Variants in GRAMD1B observed in about 807,000 individuals in gnomAD.
GRAMD1B encodes the protein GRAM domain containing 1B.
A neutral mutation model predicts 99.7 loss-of-function variants in GRAMD1B; 37 were observed. That is an observed-to-expected ratio of 0.37 (90% confidence interval 0.29 to 0.49). The LOEUF (loss-of-function observed/expected upper bound fraction) is 0.49, where lower values mean the gene tolerates loss of function less well. Ranked by LOEUF, GRAMD1B falls within the 20% of genes least tolerant of loss-of-function variation. The pLI, the probability that GRAMD1B is intolerant of heterozygous loss-of-function variation, is 0.98. For synonymous variants in GRAMD1B, 427 were observed against 387.6 expected (o/e 1.10, Z -1.19); for missense variants, 888 against 1,009.2 (o/e 0.88, Z 1.63).
intron 1 of GRAMD1B, among the ~76,000 whole-genome samples, chr11:123,360,069 C>T (rs1442569988): frequency 6.6e-6 from 1 of 152,170 alleles, no homozygotes; most frequent in Non-Finnish European, 1.5e-5. Flanking sequence ...CCCAAGGTCC[C>T]ACTATACTCC....
intron 1 of GRAMD1B, among the ~76,000 whole-genome samples, chr11:123,413,062 G>A (rs531271962): frequency 4.6e-5 from 7 of 152,242 alleles, no homozygotes; most frequent in African/African-American, 9.6e-5. Flanking sequence ...GATTACAGGC[G>A]TGAGCCACCG....
At chr11:123,389,701 C>T (rs193186665) in intron 1 of GRAMD1B, among the ~76,000 whole-genome samples, 7 of 151,854 alleles carry the variant, frequency 4.6e-5, no homozygotes, top group South Asian at 4.2e-4. Context: ...TAGAAGAAAC[C>T]GGGTGTGGAG....
intron 1 of GRAMD1B, among the ~76,000 whole-genome samples, chr11:123,392,821 A>G (rs1947327570): frequency 6.6e-6 from 1 of 152,226 alleles, no homozygotes; most frequent in Non-Finnish European, 1.5e-5. Context: ...AAATTTTCAG[A>G]ACTTCACAGG....
Position 123,417,988 on chromosome 11 carries a change from C to T in GRAMD1B, c.-176+59189C>T, listed in dbSNP as rs554019492. 1.1e-4 allele frequency among the ~76,000 whole-genome samples: 16 copies of T among 152,186 alleles called. No homozygotes were observed. The South Asian group carries it at 3.3e-3, about 32-fold the overall frequency. On this transcript the variant is annotated intron_variant, in intron 1 of 20. Coordinates refer to the GRAMD1B transcript ENST00000638157. ...CTATGTTGCCCAGGCTGGTCTCAAA[C>T]TCCTGTCCTCAAGCAGCCCTCCCAC...
intron 2 of GRAMD1B, among the ~76,000 whole-genome samples, chr11:123,558,838 C>T (rs1661696580): frequency 6.6e-6 from 1 of 152,204 alleles, no homozygotes; most frequent in African/African-American, 2.4e-5. Context: ...TATCAACGGG[C>T]TGCAGACAGA....
intron 1 of GRAMD1B, among the ~76,000 whole-genome samples, chr11:123,443,866 C>G (rs1949521376): frequency 6.6e-6 from 1 of 152,226 alleles, no homozygotes; most frequent in Admixed American, 6.5e-5. Flanking sequence ...CAGGCGTGAG[C>G]CACTGCACCT....
chr11:123,608,315 G>A (rs1953025175), intron 11 of GRAMD1B: 1 of 610,442 alleles, frequency 1.6e-6, no homozygotes. Context: ...TTTGGGTTTA[G>A]GCAACTTCCA....
chr11:123,430,690 T>C lies in GRAMD1B; in HGVS notation c.-103T>C, dbSNP rs531008556. The C allele has an allele frequency of 1.0e-5, 6 of 573,730 alleles. No individual in the cohort carries two copies. The highest frequency in any genetic ancestry group is 3.2e-5 in the Admixed American group (1 of 31,204). The allele number at this position is 573,730 out of a possible 1,614,324, so 35.5% of individuals were successfully genotyped here. The stretch of plus-strand genomic sequence containing the variant: ...GGAACTTGTTCCTTCGGCCCCAGGA[T>C]TGGGGAGTGTGCCGCGGGGCCGAGG... On this transcript the variant is annotated 5_prime_UTR_variant, in exon 1 of 20. Transcript: ENST00000635736.
At position 123,598,447 on chromosome 11, in the gene GRAMD1B, C is replaced by G. The variant is rs1045345338; in HGVS notation, c.970-2021C>G. The G allele has an allele frequency of 3.7e-5, 36 of 974,084 alleles. No individual in the cohort carries two copies. In the Admixed American group the frequency reaches 5.8e-4, roughly 16 times the overall value. 60.3% of individuals were successfully genotyped at this position (974,084 alleles called of 1,614,324 possible). A position where few individuals can be genotyped will look rare whatever the true frequency, so the allele number is the denominator to read the frequency against. On this transcript the variant is annotated intron_variant, in intron 7 of 19. Transcript: ENST00000635736. ...TTTTCATGAGTGAGATGTCGCTGTT[C>G]TCCGAGAATCTCTACGTATTCATAG... is the stretch of plus-strand genomic sequence containing the variant.
intron 8 of GRAMD1B, among the ~76,000 whole-genome samples, chr11:123,601,752 G>A (rs566362840): frequency 1.3e-5 from 2 of 152,212 alleles, no homozygotes; most frequent in Non-Finnish European, 2.9e-5. Context: ...AAATGATTAT[G>A]TGTTTTAGTC....
At chr11:123,550,873 C>T (rs1945540079) in intron 2 of GRAMD1B, among the ~76,000 whole-genome samples, 1 of 152,130 alleles carries the variant, frequency 6.6e-6, no homozygotes, top group South Asian at 2.1e-4. Context: ...TACCGAATTC[C>T]CTGAGCCTCA....
intron 2 of GRAMD1B, among the ~76,000 whole-genome samples, chr11:123,557,367 G>A (rs532875099): frequency 6.6e-6 from 1 of 152,316 alleles, no homozygotes; most frequent in Admixed American, 6.5e-5. Context: ...TTTGAGGGTA[G>A]CAGGCAAATA....
chr11:123,592,760 G>T (rs1209158343), intron 4 of GRAMD1B, among the ~76,000 whole-genome samples: 1 of 152,142 alleles, frequency 6.6e-6, no homozygotes, highest in Non-Finnish European at 1.5e-5. Flanking sequence ...GGTCAGCAGT[G>T]CTGTCTCTGT....
At chr11:123,612,363 G>C (rs773610637) in intron 14 of GRAMD1B, among the ~76,000 whole-genome samples, 5 of 152,232 alleles carry the variant, frequency 3.3e-5, no homozygotes, top group Non-Finnish European at 7.3e-5. Flanking sequence ...CCTGATGAAA[G>C]GATGAGCCGT....
chr11:123,437,456 G>T (rs1949213151), intron 1 of GRAMD1B, among the ~76,000 whole-genome samples: 1 of 152,166 alleles, frequency 6.6e-6, no homozygotes, highest in African/African-American at 2.4e-5. Flanking sequence ...GTGGCCAACT[G>T]CAGGCTCTTT....
chr11:123,537,665 G>A (rs1341544379), intron 2 of GRAMD1B, among the ~76,000 whole-genome samples: 2 of 152,164 alleles, frequency 1.3e-5, no homozygotes, highest in South Asian at 2.1e-4. Flanking sequence ...TCACGTTCTT[G>A]CTTTCTTTGA....
At chr11:123,383,225 TC>T in intron 1 of GRAMD1B, among the ~76,000 whole-genome samples, 1 of 152,116 alleles carries the variant, frequency 6.6e-6, no homozygotes, top group African/African-American at 2.4e-5. Context: ...TCTCTCTCTC[TC>T]TCTCTCTCTC....
At chr11:123,540,124 G>A (rs182581112) in intron 2 of GRAMD1B, among the ~76,000 whole-genome samples, 278 of 151,424 alleles carry the variant, frequency 1.8e-3, no homozygotes, top group African/African-American at 6.4e-3. Context: ...GGAGTGCAGT[G>A]GCATGACCAC....
At chr11:123,528,461 A>G (rs770580028) in intron 2 of GRAMD1B, among the ~76,000 whole-genome samples, 1 of 152,234 alleles carries the variant, frequency 6.6e-6, no homozygotes, top group Non-Finnish European at 1.5e-5. Context: ...CAAGCACCAC[A>G]GTAAACTCAC....
Sources: allele counts gnomAD v4.1 joint callset (sites outside exome capture counted in the v4.1 genomes callset), GRCh38; gene constraint gnomAD v4.1.1; transcripts MANE v1.5; gene names NCBI Gene and HGNC (gene_info 2026-07-23, HGNC 2026-07-21).